SPRY3: variants seen among roughly 807,000 people sequenced by gnomAD.
SPRY3 encodes sprouty RTK signaling antagonist 3, also known as protein sprouty homolog 3.
In SPRY3, 15 loss-of-function variants were observed where a neutral mutation model predicts 20.2. The ratio of observed to expected loss-of-function variants is 0.74; its 90% CI spans 0.50 to 1.14. The LOEUF (loss-of-function observed/expected upper bound fraction) is 1.14. Among genes scored for constraint, SPRY3 ranks in the 50% most tolerant of loss-of-function variants. The pLI, the probability that SPRY3 is intolerant of heterozygous loss-of-function variation, is 0.00. For synonymous variants in SPRY3, 143 were observed against 136.5 expected, an observed-to-expected ratio of 1.05 and a Z score of -0.33; for missense variants, 364 against 363.9, an observed-to-expected ratio of 1.00 and a Z score of 0.00.
At chrX:155,696,275 A>G in intron 2 of SPRY3, among the ~76,000 whole-genome samples, 1 of 109,256 alleles carries the variant, frequency 9.2e-6, no homozygotes, top group Admixed American at 9.9e-5. Flanking sequence ...AGAGAGAGAG[A>G]GAGTCTGGAG....
intron 1 of SPRY3, among the ~76,000 whole-genome samples, chrX:155,642,857 A>AT (rs1229315409): frequency 9.0e-6 from 1 of 111,304 alleles, no homozygotes; most frequent in Non-Finnish European, 1.9e-5. Flanking sequence ...TATTATTTCA[A>AT]TTTTTTGCAT....
intron 2 of SPRY3, among the ~76,000 whole-genome samples, chrX:155,673,007 T>A (rs1320209087): frequency 1.2e-5 from 1 of 86,925 alleles, no homozygotes; most frequent in African/African-American, 4.2e-5. Context: ...TAGGTGGGAA[T>A]TGAACAATGA....
At chrX:155,748,227 G>A (rs1336277541) in intron 2 of SPRY3, among the ~76,000 whole-genome samples, 1 of 151,848 alleles carries the variant, frequency 6.6e-6, no homozygotes, top group Non-Finnish European at 1.5e-5. Context: ...TAACAAGATA[G>A]TAAACACTTG....
At chrX:155,627,109 T>C (rs1242404816) in intron 1 of SPRY3, among the ~76,000 whole-genome samples, 7 of 111,352 alleles carry the variant, frequency 6.3e-5, no homozygotes, top group Non-Finnish European at 1.3e-4. Context: ...TCCAATCTCT[T>C]AGCTATTTTT....
At chrX:155,717,521 G>A (rs1259180132) in intron 2 of SPRY3, among the ~76,000 whole-genome samples, 2 of 152,000 alleles carry the variant, frequency 1.3e-5, no homozygotes, top group Non-Finnish European at 2.9e-5. Flanking sequence ...AGCCCCACAT[G>A]CATTAGGTAT....
rs1441763480 is a variant in SPRY3 at position 155,689,795 on chromosome X, G to A, written c.-282+32770G>A. ...TCCTGGATTCATTTATCTTTTGAAT[G>A]GTTTCTCATGTCTCAATCTTCTTCA... is the stretch of plus-strand genomic sequence containing the variant. On this transcript the variant is annotated intron_variant, in intron 2 of 3. Transcript: ENST00000675360. 3.6e-5 allele frequency among the ~76,000 whole-genome samples: 3 copies of A among 83,844 alleles called. 1 individual carries two copies. The highest frequency in any genetic ancestry group is 1.7e-4 in the African/African-American group (3 of 17,266). 72.8% of individuals were successfully genotyped at this position (83,844 alleles called of 115,157 possible). A position where few individuals can be genotyped will look rare whatever the true frequency, so the allele number is the denominator to read the frequency against.
chrX:155,748,124 A>G (rs1399083866), intron 2 of SPRY3, among the ~76,000 whole-genome samples: 1 of 151,838 alleles, frequency 6.6e-6, no homozygotes, highest in Non-Finnish European at 1.5e-5. Context: ...TTCTTTTAGT[A>G]TGGTTCAAGT....
chrX:155,680,741 G>A (rs954406799), intron 2 of SPRY3, among the ~76,000 whole-genome samples: 2 of 111,662 alleles, frequency 1.8e-5, no homozygotes, highest in Non-Finnish European at 3.8e-5. Flanking sequence ...CCTATGTCAA[G>A]CAAGTCTATT....
Position 155,773,307 on chromosome X carries a change from GATATAT to G in SPRY3, c.-106-430_-106-425del, listed in dbSNP as rs1556238552. On this transcript the variant is annotated intron_variant, in intron 3 of 3. Transcript: ENST00000675360. ...CACACTGAAAAGATAATTTTGATTG[GATATAT>G]ATATATATATATATATATATATATA... 1.9e-3 allele frequency among the ~76,000 whole-genome samples: 230 copies of G among 120,722 alleles called. No homozygotes were observed. The Middle Eastern group carries it at 0.031, about 16-fold the overall frequency. The allele number at this position is 120,722 out of a possible 152,430, so 79.2% of individuals were successfully genotyped here. A position where few individuals can be genotyped will look rare whatever the true frequency, so the allele number is the denominator to read the frequency against.
At chrX:155,677,300 G>A (rs2068061364) in intron 2 of SPRY3, among the ~76,000 whole-genome samples, 1 of 111,601 alleles carries the variant, frequency 9.0e-6, no homozygotes, top group African/African-American at 3.3e-5. Flanking sequence ...TGGGAGATGG[G>A]AATCAATTTT....
At chrX:155,626,859 G>A (rs986377084) in intron 1 of SPRY3, among the ~76,000 whole-genome samples, 1 of 111,541 alleles carries the variant, frequency 9.0e-6, no homozygotes, top group Non-Finnish European at 1.9e-5. Flanking sequence ...TATGACCTGA[G>A]AAAGCATTAG....
At chrX:155,623,834 C>G (rs1412080953) in intron 1 of SPRY3, among the ~76,000 whole-genome samples, 1 of 112,197 alleles carries the variant, frequency 8.9e-6, no homozygotes, top group African/African-American at 3.2e-5. Flanking sequence ...AGATCAAAAG[C>G]TCTCACTCTA....
intron 2 of SPRY3, among the ~76,000 whole-genome samples, chrX:155,663,803 G>T (rs1460526246): frequency 3.6e-5 from 4 of 110,722 alleles, no homozygotes; most frequent in Non-Finnish European, 7.6e-5. Flanking sequence ...CTAGAATCAA[G>T]ATATCATTAG....
chrX:155,773,815 A>G, exon 4 of SPRY3: 1 of 1,562,990 alleles, frequency 6.4e-7, no homozygotes, highest in Non-Finnish European at 8.7e-7. Flanking sequence ...GCTCCTCTTT[A>G]TCACCATAAG....
At chrX:155,770,869 C>T (rs983107670) in intron 3 of SPRY3, among the ~76,000 whole-genome samples, 1 of 152,124 alleles carries the variant, frequency 6.6e-6, no homozygotes, top group Non-Finnish European at 1.5e-5. Context: ...TTCAGTTCAT[C>T]CTGTTAGCCA....
At chrX:155,727,662 G>T (rs970938934) in intron 2 of SPRY3, among the ~76,000 whole-genome samples, 6 of 151,956 alleles carry the variant, frequency 3.9e-5, no homozygotes, top group Admixed American at 6.6e-5. Flanking sequence ...GTCATGTAAG[G>T]TCTTCTCTAC....
chrX:155,703,723 G>C (rs190131231), intron 2 of SPRY3, among the ~76,000 whole-genome samples: 1 of 149,724 alleles, frequency 6.7e-6, no homozygotes, highest in Non-Finnish European at 1.5e-5. Flanking sequence ...GTCAATTTTG[G>C]ATCTTTCCTG....
intron 3 of SPRY3, among the ~76,000 whole-genome samples, chrX:155,773,307 G>GTATAT (rs4013148): frequency 8.3e-6 from 1 of 120,740 alleles, no homozygotes; most frequent in East Asian, 2.7e-4. Context: ...ATTTTGATTG[G>GTATAT]ATATATATAT....
intron 2 of SPRY3, among the ~76,000 whole-genome samples, chrX:155,740,808 T>TTCATA (rs1297452019): frequency 7.0e-6 from 1 of 143,298 alleles, no homozygotes; most frequent in African/African-American, 2.5e-5. Flanking sequence ...GTGATCTTTG[T>TTCATA]GACCTACTCC....
Sources: allele counts gnomAD v4.1 joint callset (sites outside exome capture counted in the v4.1 genomes callset), GRCh38; gene constraint gnomAD v4.1.1; transcripts MANE v1.5; gene names NCBI Gene and HGNC (gene_info 2026-07-23, HGNC 2026-07-21).